DOCK7: variants seen among roughly 807,000 people sequenced by gnomAD.
The protein encoded by DOCK7 is dedicator of cytokinesis protein 7.
A neutral mutation model predicts 271.0 loss-of-function variants in DOCK7; 138 were observed. That is an observed-to-expected ratio of 0.51 (90% CI 0.44 to 0.59). The LOEUF (loss-of-function observed/expected upper bound fraction) is 0.59. Ranked by LOEUF, DOCK7 falls within the 20% of genes least tolerant of loss-of-function variation. The pLI is 0.00. For synonymous variants in DOCK7, 823 were observed against 876.1 expected, an observed-to-expected ratio of 0.94 and a Z score of 1.07; for missense variants, 2,066 against 2,592.4, an observed-to-expected ratio of 0.80 and a Z score of 4.41.
At chr1:62,544,667 G>T (rs867224533) in intron 23 of DOCK7, among the ~76,000 whole-genome samples, 2 of 152,174 alleles carry the variant, frequency 1.3e-5, no homozygotes, top group African/African-American at 4.8e-5. Context: ...AGAAGAAACT[G>T]TTATAAAAGC....
At chr1:62,588,508 CT>C (rs1224663997) in intron 14 of DOCK7, among the ~76,000 whole-genome samples, 1 of 152,092 alleles carries the variant, frequency 6.6e-6, no homozygotes, top group Non-Finnish European at 1.5e-5. Flanking sequence ...TTTCCAGAGC[CT>C]AGATTTTACT....
chr1:62,553,162 G>A (rs1033478524), intron 21 of DOCK7, among the ~76,000 whole-genome samples: 1 of 146,604 alleles, frequency 6.8e-6, no homozygotes. Flanking sequence ...AGCCTCCCGA[G>A]TAGCTGGGAC....
chr1:62,684,807 G>A (rs1385185009), intron 1 of DOCK7, among the ~76,000 whole-genome samples: 5 of 152,158 alleles, frequency 3.3e-5, no homozygotes, highest in Non-Finnish European at 7.4e-5. Context: ...GTGAGCTGAA[G>A]TAAACAGTAT....
intron 43 of DOCK7, chr1:62,485,548 G>A: frequency 1.0e-6 from 1 of 985,372 alleles, no homozygotes; most frequent in East Asian, 1.1e-4. Flanking sequence ...TCCAGTGAAA[G>A]ATCTACCAGA....
chr1:62,477,655 A>T, intron 44 of DOCK7, 45 bp downstream of exon 44: 1 of 1,530,572 alleles, frequency 6.5e-7, no homozygotes, highest in Non-Finnish European at 8.8e-7. Flanking sequence ...CATCAGAGAG[A>T]ATACAAACTA....
At chr1:62,588,843 T>A (rs911303370) in intron 14 of DOCK7, among the ~76,000 whole-genome samples, 1 of 152,138 alleles carries the variant, frequency 6.6e-6, no homozygotes, top group Non-Finnish European at 1.5e-5. Flanking sequence ...TGGCCTAAAA[T>A]GATCCTTCTG....
chr1:62,663,787 T>C (rs1658956449), intron 1 of DOCK7, among the ~76,000 whole-genome samples: 2 of 152,242 alleles, frequency 1.3e-5, no homozygotes, highest in South Asian at 4.1e-4. Flanking sequence ...CAACTGGAAA[T>C]GTTTACACAA....
chr1:62,656,316 A>G (rs1286062430), intron 2 of DOCK7, among the ~76,000 whole-genome samples: 2 of 152,208 alleles, frequency 1.3e-5, no homozygotes, highest in African/African-American at 4.8e-5. Flanking sequence ...AAGAATAATC[A>G]TAAAAGAAAA....
chr1:62,623,688 C>T (rs1653572845), intron 12 of DOCK7, among the ~76,000 whole-genome samples: 1 of 152,228 alleles, frequency 6.6e-6, no homozygotes, highest in Non-Finnish European at 1.5e-5. Flanking sequence ...AAATCTATTA[C>T]CCCATTTCCT....
chr1:62,528,933 T>A (rs985357329), intron 30 of DOCK7, among the ~76,000 whole-genome samples: 1 of 152,210 alleles, frequency 6.6e-6, no homozygotes, highest in Non-Finnish European at 1.5e-5. Flanking sequence ...ATTTTATATA[T>A]ATGAATCAAG....
chr1:62,654,562 T>C (rs778061544), intron 2 of DOCK7, among the ~76,000 whole-genome samples: 11 of 152,212 alleles, frequency 7.2e-5, no homozygotes, highest in Non-Finnish European at 1.2e-4. Flanking sequence ...CTTGTTTTTG[T>C]TGATTATCCT....
chr1:62,604,731 T>A, intron 14 of DOCK7: 1 of 1,613,194 alleles, frequency 6.2e-7, no homozygotes, highest in Middle Eastern at 1.7e-4. Flanking sequence ...AAGAGGATTA[T>A]CTTGGAAGTC....
At chr1:62,487,974 A>G (rs1646346460) in intron 42 of DOCK7, 1 of 152,474 alleles carries the variant, frequency 6.6e-6, no homozygotes, top group Non-Finnish European at 1.5e-5. Context: ...ATAGATGACA[A>G]TAAAATCCTG....
intron 16 of DOCK7, among the ~76,000 whole-genome samples, chr1:62,579,982 C>A (rs1323531579): frequency 6.6e-6 from 1 of 152,064 alleles, no homozygotes; most frequent in East Asian, 1.9e-4. Flanking sequence ...CAAGAGGGCA[C>A]TTTTATAGAA....
At chr1:62,505,107 A>G (rs1196614444) in intron 36 of DOCK7, among the ~76,000 whole-genome samples, 2 of 152,216 alleles carry the variant, frequency 1.3e-5, no homozygotes, top group Admixed American at 1.3e-4. Flanking sequence ...TATGAATTCT[A>G]TATTTATTAC....
chr1:62,578,738 A>AAC (rs1368253292), intron 17 of DOCK7, 90 bp downstream of exon 17: 10 of 1,056,102 alleles, frequency 9.5e-6, no homozygotes, highest in Middle Eastern at 3.6e-4. Flanking sequence ...AAAAAAAAAA[A>AAC]ACCCACAAAT....
chr1:62,474,832 G>C (rs1348852984), intron 47 of DOCK7, among the ~76,000 whole-genome samples: 2 of 152,036 alleles, frequency 1.3e-5, no homozygotes, highest in Non-Finnish European at 1.5e-5. Context: ...ATAATTTCTT[G>C]TGTCAATATA....
intron 1 of DOCK7, among the ~76,000 whole-genome samples, chr1:62,670,157 T>C (rs956515911): frequency 6.6e-5 from 10 of 152,332 alleles, no homozygotes; most frequent in African/African-American, 2.2e-4. Flanking sequence ...CAGCCCGCCA[T>C]GCCTGAGCCT....
chr1:62,543,855 A>T, intron 23 of DOCK7, 110 bp from the exon 24 acceptor site: 1 of 684,370 alleles, frequency 1.5e-6, no homozygotes, highest in African/African-American at 1.8e-5. Flanking sequence ...TTATGGTTTC[A>T]AAAACCATCT....
Sources: allele counts gnomAD v4.1 joint callset (sites outside exome capture counted in the v4.1 genomes callset), GRCh38; gene constraint gnomAD v4.1.1; transcripts MANE v1.5; gene names NCBI Gene and HGNC (gene_info 2026-07-23, HGNC 2026-07-21).